Variants in EFR3B observed in about 807,000 individuals in gnomAD.
EFR3B encodes the protein protein EFR3 homolog B.
A neutral mutation model predicts 104.7 loss-of-function variants in EFR3B; 64 were observed. The observed-to-expected ratio is 0.61, with a 90% CI of 0.50 to 0.75. The LOEUF (loss-of-function observed/expected upper bound fraction) is 0.75. Among genes scored for constraint, EFR3B ranks in the 30% least tolerant of loss-of-function variants. The pLI is 0.00. For missense variants in EFR3B, 750 were observed against 1,078.5 expected (o/e 0.70, Z 4.27); for synonymous variants, 385 against 417.9 (o/e 0.92, Z 0.96).
rs1558581337 is a variant in EFR3B, at chr2:25,051,634, TG to T, written c.7+9316del. 3.0e-4 allele frequency among the ~76,000 whole-genome samples: 29 copies of T among 98,142 alleles called. No homozygotes were observed. In the East Asian group the frequency reaches 5.8e-3, roughly 20 times the overall value. The allele number at this position is 98,142 out of a possible 152,430, so 64.4% of individuals were successfully genotyped here. A position where few individuals can be genotyped will look rare whatever the true frequency, so the allele number is the denominator to read the frequency against. Reference sequence around the variant, plus strand: ...AACACATTTCTCTTTTGTGTGTGTGTGTGTTTTTTTTTTTTTTTTCAGACAC... The same window carrying T: ...AACACATTTCTCTTTTGTGTGTGTGTTGTTTTTTTTTTTTTTTTCAGACAC... On this transcript the variant is annotated intron_variant, in intron 1 of 22. Coordinates refer to ENST00000403714, the MANE Select transcript of EFR3B (RefSeq NM_014971.2).
Position 25,148,854 on chromosome 2 carries a change from G to A in EFR3B, c.2143-840G>A, listed in dbSNP as rs1476830995. On this transcript the variant is annotated intron_variant, in intron 19 of 22. Coordinates refer to ENST00000403714, the MANE Select transcript of EFR3B (RefSeq NM_014971.2). ...GGAGAATGGCGTGAACCCGGGAGGC[G>A]GAGCTTGCAGTGAGCTGAGATCCCG... Among the ~76,000 whole-genome samples the A allele has an allele frequency of 4.3e-4, 64 of 147,662 alleles. 1 individual carries two copies. The highest frequency in any genetic ancestry group is 2.2e-4 in the South Asian group (1 of 4,604).
intron 5 of EFR3B, among the ~76,000 whole-genome samples, chr2:25,126,922 G>A (rs1158062045): frequency 6.6e-6 from 1 of 151,870 alleles, no homozygotes; most frequent in South Asian, 2.1e-4. Context: ...GGCCAGGCAC[G>A]GTGGCTCACA....
chr2:25,130,174 A>G lies in EFR3B; in HGVS notation c.770+65A>G, dbSNP rs1405036158. 5 of 1,545,944 alleles carry G rather than the reference A, an allele frequency of 3.2e-6. No homozygotes were observed. The highest frequency in any genetic ancestry group is 3.9e-5 in the Admixed American group (2 of 50,764). On this transcript the variant is annotated intron_variant, in intron 7 of 22. Coordinates refer to ENST00000403714, the MANE Select transcript of EFR3B (RefSeq NM_014971.2). This position sits in a 1 kb window ranked among gnomAD's most constrained non-coding sequence, Gnocchi z 4.6. ...CCTGGATGTGTTTCAGGTCCCTGGCATCTCCTGGCTGGCTGGGGGGAAGGG... is the reference window on the plus strand; with the variant it reads ...CCTGGATGTGTTTCAGGTCCCTGGCGTCTCCTGGCTGGCTGGGGGGAAGGG...
rs149977988 is a variant in EFR3B, at chr2:25,050,637, A to G, written c.7+8318A>G. ...TTTACACACACACATGACAATACAT[A>G]AAGAGATCAAAGCAAAGAAAATCTT... On this transcript the variant is annotated intron_variant, in intron 1 of 22. Coordinates refer to ENST00000403714, the MANE Select transcript of EFR3B (RefSeq NM_014971.2). Among the ~76,000 whole-genome samples the G allele has an allele frequency of 2.4e-4, 37 of 152,342 alleles. No individual in the cohort carries two copies. In the East Asian group the frequency reaches 6.4e-3, roughly 26 times the overall value.
chr2:25,093,007 G>A lies in EFR3B; in HGVS notation c.89G>A (p.Gly30Asp). Residue 30 changes from glycine (G) to aspartate (D), a missense_variant, in exon 3 of 23, where the codon GGT becomes GAT. By Grantham distance (94) the Gly-to-Asp change is moderately conservative. Coordinates refer to ENST00000403714, the MANE Select transcript of EFR3B (RefSeq NM_014971.2). The part of the protein sequence containing the change: ...DNIFPEDPED[G>D]LVKTNMEKLT... Reference sequence around the variant, plus strand: ...ACAAGCTGTTTTCTCCTACAGGATGGTCTGGTGAAGACCAACATGGAGAAG... The same window carrying A: ...ACAAGCTGTTTTCTCCTACAGGATGATCTGGTGAAGACCAACATGGAGAAG... 3 of 1,545,638 alleles carry A rather than the reference G, an allele frequency of 1.9e-6. No homozygotes were observed. The highest frequency in any genetic ancestry group is 1.7e-6 in the Non-Finnish European group (2 of 1,146,940).
At chr2:25,108,457 C>A (rs1183206291) in intron 4 of EFR3B, among the ~76,000 whole-genome samples, 2 of 152,114 alleles carry the variant, frequency 1.3e-5, no homozygotes, top group Non-Finnish European at 2.9e-5. Flanking sequence ...CTAGTGTATA[C>A]AAACGGTAAA....
In EFR3B at chr2:25,042,081, T is replaced by A. The variant is rs1016543147; in HGVS notation, c.-232T>A. On this transcript the variant is annotated 5_prime_UTR_variant, in exon 1 of 23. Transcript: ENST00000403714. The surrounding 1 kb of genome is among the most constrained non-coding windows in gnomAD (Gnocchi z 5.4). ...AGCCCCCGCCCCCTGCGCGCAGCAG[T>A]GCCCAGCAACCCGAGCGGAGGCGGC... 3 of 296,190 alleles carry A rather than the reference T, an allele frequency of 1.0e-5. No homozygotes were observed. The highest frequency in any genetic ancestry group is 2.3e-5 in the African/African-American group (1 of 42,652). 18.3% of individuals were successfully genotyped at this position (296,190 alleles called of 1,614,324 possible).
At chr2:25,100,647 C>A (rs574782315) in intron 3 of EFR3B, among the ~76,000 whole-genome samples, 17 of 152,328 alleles carry the variant, frequency 1.1e-4, no homozygotes, top group Admixed American at 6.5e-4. Flanking sequence ...CACCTGCCAC[C>A]GCGCCTGGCT....
rs774966636 is a variant in EFR3B at position 25,128,037 on chromosome 2, C to T, written c.486-146C>T. 2.4e-5 allele frequency: 21 copies of T among 884,810 alleles called. No homozygotes were observed. The African/African-American group carries it at 3.2e-4, about 14-fold the overall frequency. 54.8% of individuals were successfully genotyped at this position (884,810 alleles called of 1,614,324 possible). ...CATGTCTGCCAGCACCAGGAGGTCT[C>T]ATGAGAGTAGCAGCTGGTCTCCATT... On this transcript the variant is annotated intron_variant, in intron 5 of 22. Transcript: ENST00000403714.
At chr2:25,103,836 G>T in intron 4 of EFR3B, 49 bp downstream of exon 4, 4 of 1,547,126 alleles carry the variant, frequency 2.6e-6, no homozygotes, top group Non-Finnish European at 3.5e-6. Flanking sequence ...CATCCTGGGG[G>T]GTGGCAGGGG....
chr2:25,135,263 A>G (rs1268588989), intron 12 of EFR3B, among the ~76,000 whole-genome samples: 1 of 151,980 alleles, frequency 6.6e-6, no homozygotes, highest in Non-Finnish European at 1.5e-5. Flanking sequence ...ATCCATTCAC[A>G]TGTCTACTGA....
At chr2:25,108,962 C>T (rs988844923) in intron 4 of EFR3B, among the ~76,000 whole-genome samples, 3 of 151,952 alleles carry the variant, frequency 2.0e-5, no homozygotes, top group Non-Finnish European at 4.4e-5. Context: ...GCCGAGATCG[C>T]TCCACTGCAC....
rs534329599 is a variant in EFR3B at position 25,143,638 on chromosome 2, C to T, written c.1923-97C>T. ...TCGCACCACCACACTCCAGCCTGGGCGACAAGAGCAAAACCCTGTCTTAAA... is the reference window on the plus strand; with the variant it reads ...TCGCACCACCACACTCCAGCCTGGGTGACAAGAGCAAAACCCTGTCTTAAA... On this transcript the variant is annotated intron_variant, in intron 17 of 22. Transcript: ENST00000403714. 35 of 1,439,014 alleles carry T rather than the reference C, an allele frequency of 2.4e-5. No homozygotes were observed. In the African/African-American group the frequency reaches 3.1e-4, roughly 13 times the overall value. The allele number at this position is 1,439,014 out of a possible 1,614,324, so 89.1% of individuals were successfully genotyped here.
In EFR3B at chr2:25,154,237, C is replaced by T. The variant is rs1671098933; in HGVS notation, c.2351C>T (p.Pro784Leu). The T allele has an allele frequency of 2.6e-6, 4 of 1,551,762 alleles. No homozygotes were observed. Among genetic ancestry groups the T allele is most frequent in the Non-Finnish European group, 3.5e-6 (4 of 1,147,006 alleles). Residue 784 changes from proline (P) to leucine (L), a missense_variant and splice_region_variant, in exon 23 of 23, where the codon CCC (proline) becomes CTC (leucine). Physicochemically the swap from Pro to Leu is moderately conservative, Grantham distance 98. Coordinates refer to ENST00000403714, the MANE Select transcript of EFR3B (RefSeq NM_014971.2). This position sits in a 1 kb window ranked among gnomAD's most constrained non-coding sequence, Gnocchi z 4.1. ...LNQIFEITIRPPPSPSGTITA... is the reference protein window; with the variant it reads ...LNQIFEITIRLPPSPSGTITA... ...CCCCATGTGTTCCTGCCCCCTAGGCCCCCACCAAGCCCATCAGGAACCATC... is the reference window on the plus strand; with the variant it reads ...CCCCATGTGTTCCTGCCCCCTAGGCTCCCACCAAGCCCATCAGGAACCATC...
At chr2:25,122,960 G>A (rs1196598256) in intron 5 of EFR3B, among the ~76,000 whole-genome samples, 1 of 152,118 alleles carries the variant, frequency 6.6e-6, no homozygotes, top group Non-Finnish European at 1.5e-5. Context: ...CCTCAGACAA[G>A]CATCTTGCCT....
chr2:25,088,103 T>G (rs2149183027), intron 1 of EFR3B, among the ~76,000 whole-genome samples: 1 of 152,274 alleles, frequency 6.6e-6, no homozygotes, highest in South Asian at 2.1e-4. Flanking sequence ...GTCAGTCCCT[T>G]AAGCTTCACC....
chr2:25,089,758 G>A (rs1386529601), intron 1 of EFR3B, among the ~76,000 whole-genome samples: 3 of 152,142 alleles, frequency 2.0e-5, no homozygotes, highest in East Asian at 1.9e-4. Context: ...GAACGAGGTC[G>A]AGCAAGGAGG....
Position 25,132,276 on chromosome 2 carries a change from C to T in EFR3B, c.1147+365C>T, listed in dbSNP as rs186368303. Among the ~76,000 whole-genome samples the T allele has an allele frequency of 9.7e-4, 148 of 152,292 alleles. 1 individual carries two copies. The Middle Eastern group carries it at 0.02, about 21-fold the overall frequency. On this transcript the variant is annotated intron_variant, in intron 10 of 22. Coordinates refer to ENST00000403714, the MANE Select transcript of EFR3B (RefSeq NM_014971.2). ...AGTGTCTCAGATCTGAAGTCTCAGG[C>T]GAACCTTCTTTAGTCCCAGTCACCA... is the stretch of plus-strand genomic sequence containing the variant.
At chr2:25,106,536 C>T (rs543443111) in intron 4 of EFR3B, among the ~76,000 whole-genome samples, 1 of 150,906 alleles carries the variant, frequency 6.6e-6, no homozygotes, top group South Asian at 2.1e-4. Context: ...TGGCTCACTG[C>T]AACCTCCACC....
Sources: allele counts gnomAD v4.1 joint callset (sites outside exome capture counted in the v4.1 genomes callset), GRCh38; gene constraint gnomAD v4.1.1; non-coding constraint Gnocchi (gnomAD v3.1); transcripts MANE v1.5; gene names NCBI Gene and HGNC (gene_info 2026-07-23, HGNC 2026-07-21).